The following LMBR1 variants were observed in gnomAD, a reference collection of about 807,000 sequenced individuals.
The protein encoded by LMBR1 is limb development membrane protein 1.
LMBR1 carries 52 observed loss-of-function variants against 73.9 expected under a neutral mutation model. The observed-to-expected ratio is 0.70, with a 90% CI of 0.56 to 0.89. The LOEUF (loss-of-function observed/expected upper bound fraction) is 0.89. LMBR1 is among the 40% of genes least tolerant of loss of function. The pLI is 0.00. For synonymous variants in LMBR1, 215 were observed against 209.4 expected (o/e 1.03, Z -0.23); for missense variants, 539 against 579.8 (o/e 0.93, Z 0.72).
Position 156,811,351 on chromosome 7 carries a change from C to T in LMBR1, c.320-14859G>A, listed in dbSNP as rs150390495. On this transcript the variant is annotated intron_variant, in intron 4 of 16. Transcript: ENST00000353442. ...TCCTGGCCAGGCGCGGTGGCTCACGCCTGTAATCCCAGCACTTTGGGAGGC... is the reference window on the plus strand; with the variant it reads ...TCCTGGCCAGGCGCGGTGGCTCACGTCTGTAATCCCAGCACTTTGGGAGGC... Among the ~76,000 whole-genome samples the T allele has an allele frequency of 5.0e-3, 760 of 152,130 alleles. 5 individuals are homozygous for T. The highest frequency in any genetic ancestry group is 0.021 in the South Asian group (100 of 4,814).
At chr7:156,811,736 T>C (rs948532174) in intron 4 of LMBR1, among the ~76,000 whole-genome samples, 1 of 152,186 alleles carries the variant, frequency 6.6e-6, no homozygotes, top group Admixed American at 6.5e-5. Context: ...GTATGTTGCA[T>C]GGTGTACTGG....
chr7:156,696,525 GC>G (rs1808316568), intron 15 of LMBR1, among the ~76,000 whole-genome samples: 1 of 152,294 alleles, frequency 6.6e-6, no homozygotes, highest in Non-Finnish European at 1.5e-5. Context: ...GTTCCATATG[GC>G]TAGGAAGGCC....
chr7:156,694,226 C>A (rs1183838374), intron 15 of LMBR1, among the ~76,000 whole-genome samples: 1 of 152,090 alleles, frequency 6.6e-6, no homozygotes, highest in Non-Finnish European at 1.5e-5. Flanking sequence ...AGAGCCTCAG[C>A]CTCCTGGCAA....
intron 5 of LMBR1, among the ~76,000 whole-genome samples, chr7:156,796,118 T>C (rs1830023007): frequency 6.6e-6 from 1 of 152,184 alleles, no homozygotes; most frequent in Non-Finnish European, 1.5e-5. Flanking sequence ...AAGGAAAGAA[T>C]AAAAGCTATT....
At chr7:156,723,269 A>C (rs1373962239) in intron 15 of LMBR1, among the ~76,000 whole-genome samples, 2 of 152,146 alleles carry the variant, frequency 1.3e-5, no homozygotes, top group Non-Finnish European at 2.9e-5. Context: ...TTCAATAAAT[A>C]ATGGAGGCAA....
At chr7:156,826,136 T>C (rs7785728) in intron 4 of LMBR1, among the ~76,000 whole-genome samples, 69,364 of 152,008 alleles carry the variant, frequency 0.46, 16,006 homozygotes, top group East Asian at 0.61. Flanking sequence ...CGTGCCACCA[T>C]GCCTGGCTAA....
At chr7:156,718,666 A>G (rs1813771904) in intron 15 of LMBR1, among the ~76,000 whole-genome samples, 1 of 151,924 alleles carries the variant, frequency 6.6e-6, no homozygotes, top group African/African-American at 2.4e-5. Flanking sequence ...GAGCCCAGGA[A>G]GTTGAGGCTG....
intron 4 of LMBR1, among the ~76,000 whole-genome samples, chr7:156,672,594 G>GT (rs1373605012): frequency 3.3e-5 from 5 of 152,216 alleles, no homozygotes; most frequent in African/African-American, 1.2e-4. Context: ...CTTGAGCTAA[G>GT]TAACTCATTT....
chr7:156,740,229 A>C (rs1269873282), intron 9 of LMBR1, among the ~76,000 whole-genome samples: 1 of 152,090 alleles, frequency 6.6e-6, no homozygotes, highest in Non-Finnish European at 1.5e-5. Context: ...AATCAAAAAG[A>C]ATGAAGCATG....
intron 1 of LMBR1, among the ~76,000 whole-genome samples, chr7:156,844,456 T>A (rs550906221): frequency 3.9e-5 from 6 of 152,190 alleles, no homozygotes; most frequent in African/African-American, 1.4e-4. Flanking sequence ...TCTAAAGTTG[T>A]AAGTCTCTTC....
At chr7:156,833,851 T>C in intron 2 of LMBR1, 59 bp from the exon 3 acceptor site, 8 of 1,113,834 alleles carry the variant, frequency 7.2e-6, no homozygotes, top group Non-Finnish European at 9.3e-6. Flanking sequence ...GCGTCATTAA[T>C]TTATTAAAAC....
At chr7:156,888,251 A>C (rs1263857608) in intron 1 of LMBR1, among the ~76,000 whole-genome samples, 1 of 152,020 alleles carries the variant, frequency 6.6e-6, no homozygotes, top group African/African-American at 2.4e-5. Flanking sequence ...TCTACTAAAA[A>C]TACAAAAAGT....
At chr7:156,803,614 G>A (rs185343198) in intron 4 of LMBR1, among the ~76,000 whole-genome samples, 1 of 152,190 alleles carries the variant, frequency 6.6e-6, no homozygotes, top group Non-Finnish European at 1.5e-5. Context: ...AACTAGAAAT[G>A]CCATTTGACC....
At chr7:156,872,830 G>A (rs1004431080) in intron 1 of LMBR1, among the ~76,000 whole-genome samples, 3 of 152,130 alleles carry the variant, frequency 2.0e-5, no homozygotes, top group African/African-American at 4.8e-5. Context: ...GACTCACATC[G>A]TGAACCTTTG....
chr7:156,684,824 G>C (rs1805674771), intron 16 of LMBR1, among the ~76,000 whole-genome samples: 1 of 152,186 alleles, frequency 6.6e-6, no homozygotes, highest in Non-Finnish European at 1.5e-5. Flanking sequence ...GGCTGCAGTG[G>C]CTCATGCCTA....
intron 15 of LMBR1, among the ~76,000 whole-genome samples, chr7:156,692,302 C>G (rs1421018139): frequency 6.6e-6 from 1 of 152,158 alleles, no homozygotes; most frequent in South Asian, 2.1e-4. Context: ...GTCTCAAACT[C>G]CTGACCTCAG....
chr7:156,763,211 C>A lies in LMBR1; in HGVS notation c.551-35G>T, dbSNP rs551094289. ...AAAAGTAAATATATTTTAATAAATCCAAAATACTGCACATTAAGATAGTCA... is the reference window on the plus strand; with the variant it reads ...AAAAGTAAATATATTTTAATAAATCAAAAATACTGCACATTAAGATAGTCA... On this transcript the variant is annotated intron_variant, in intron 6 of 16. Transcript: ENST00000353442. The A allele has an allele frequency of 9.8e-5, 84 of 853,976 alleles. No homozygotes were observed. The African/African-American group carries it at 1.2e-3, about 12-fold the overall frequency. The allele number at this position is 853,976 out of a possible 1,614,324, so 52.9% of individuals were successfully genotyped here. A position where few individuals can be genotyped will look rare whatever the true frequency, so the allele number is the denominator to read the frequency against.
intron 4 of LMBR1, among the ~76,000 whole-genome samples, chr7:156,809,598 A>G (rs1832741873): frequency 2.6e-5 from 4 of 152,238 alleles, no homozygotes; most frequent in Admixed American, 6.5e-5. Flanking sequence ...TGCTCACTAT[A>G]AACACAACCA....
In LMBR1 at chr7:156,724,276, C is replaced by T; in HGVS notation, c.1159-98G>A. ...AGAAATGATTGTGCATTCTAGTTAC[C>T]TAGTGTACTTTGCCGATTTCTTAAT... On this transcript the variant is annotated intron_variant, in intron 14 of 16. Coordinates refer to ENST00000353442, the MANE Select transcript of LMBR1 (RefSeq NM_022458.4). 8.1e-6 allele frequency: 7 copies of T among 863,110 alleles called. No homozygotes were observed. The South Asian group carries it at 9.6e-5, about 12-fold the overall frequency. 53.5% of individuals were successfully genotyped at this position (863,110 alleles called of 1,614,324 possible).
Sources: gnomAD v4.1 joint callset for allele counts (sites outside exome capture counted in the v4.1 genomes callset) on GRCh38, gnomAD v4.1.1 for gene constraint, MANE v1.5 for transcripts, NCBI Gene and HGNC (gene_info 2026-07-23, HGNC 2026-07-21) for gene names.